The following ALKBH1 variants were observed in gnomAD, a reference collection of about 807,000 sequenced individuals.
The protein encoded by ALKBH1 is alkB homolog 1, histone H2A dioxygenase.
ALKBH1 carries 31 observed loss-of-function variants against 36.6 expected under a neutral mutation model. The observed-to-expected ratio is 0.85, with a 90% CI of 0.64 to 1.14. The LOEUF is 1.14. Among genes scored for constraint, ALKBH1 ranks in the 50% most tolerant of loss-of-function variants. The pLI, the probability that ALKBH1 is intolerant of heterozygous loss-of-function variation, is 0.00. For missense variants in ALKBH1, 490 were observed against 497.3 expected, an observed-to-expected ratio of 0.99 and a Z score of 0.14; for synonymous variants, 183 against 186.6, an observed-to-expected ratio of 0.98 and a Z score of 0.16.
At chr14:77,690,430 T>G (rs1405245258) in intron 3 of ALKBH1, among the ~76,000 whole-genome samples, 1 of 152,192 alleles carries the variant, frequency 6.6e-6, no homozygotes, top group African/African-American at 2.4e-5. Flanking sequence ...TTCTAAACCC[T>G]TGAAATTTCC....
intron 4 of ALKBH1, 65 bp from the exon 5 acceptor site, chr14:77,675,914 G>T: frequency 7.7e-7 from 1 of 1,291,030 alleles, no homozygotes; most frequent in Non-Finnish European, 1.1e-6. Context: ...GAAACTATAA[G>T]ATTAATTACC....
intron 3 of ALKBH1, among the ~76,000 whole-genome samples, chr14:77,686,067 A>G (rs1268988359): frequency 1.3e-5 from 2 of 152,202 alleles, no homozygotes; most frequent in African/African-American, 2.4e-5. Flanking sequence ...ACAACTCTTA[A>G]TATCTGCCTT....
chr14:77,695,258 A>G (rs965690714), intron 2 of ALKBH1, among the ~76,000 whole-genome samples: 1 of 152,234 alleles, frequency 6.6e-6, no homozygotes, highest in African/African-American at 2.4e-5. Flanking sequence ...AGGCATGATT[A>G]CACGAAATCT....
At chr14:77,678,823 T>A (rs765912661) in intron 4 of ALKBH1, among the ~76,000 whole-genome samples, 1 of 151,956 alleles carries the variant, frequency 6.6e-6, no homozygotes, top group African/African-American at 2.4e-5. Context: ...CAGGCAAATA[T>A]CTTTTTTTTT....
intron 2 of ALKBH1, 50 bp from the exon 3 acceptor site, chr14:77,694,950 A>C: frequency 7.2e-7 from 1 of 1,386,184 alleles, no homozygotes; most frequent in Non-Finnish European, 9.5e-7. Flanking sequence ...ATTCTCCATC[A>C]GTTATTCAAA....
chr14:77,690,655 G>GT (rs1424708500), intron 3 of ALKBH1, among the ~76,000 whole-genome samples: 11 of 152,260 alleles, frequency 7.2e-5, no homozygotes, highest in Non-Finnish European at 2.9e-5. Context: ...TGCATTTAAA[G>GT]TTTTTTTAAT....
chr14:77,686,385 CT>C (rs1245479202), intron 3 of ALKBH1, among the ~76,000 whole-genome samples: 3 of 152,150 alleles, frequency 2.0e-5, no homozygotes, highest in African/African-American at 4.8e-5. Context: ...ACGTTGGCAC[CT>C]AATACATCTT....
chr14:77,704,604 T>C (rs1406821503), intron 1 of ALKBH1, 127 bp from the exon 2 acceptor site: 2 of 695,192 alleles, frequency 2.9e-6, no homozygotes, highest in African/African-American at 3.5e-5. Flanking sequence ...ATACAGAACC[T>C]TGCTCTATTG....
chr14:77,675,998 C>CTTT (rs374529582), intron 4 of ALKBH1, 149 bp from the exon 5 acceptor site: 1,652 of 564,274 alleles, frequency 2.9e-3, no homozygotes, highest in Middle Eastern at 7.0e-3. Flanking sequence ...CTTTTCTTTT[C>CTTT]TTTTTTTTTT....
intron 3 of ALKBH1, among the ~76,000 whole-genome samples, chr14:77,687,320 G>C (rs1280325565): frequency 6.6e-6 from 1 of 152,094 alleles, no homozygotes; most frequent in Non-Finnish European, 1.5e-5. Context: ...CAGCCTCTGA[G>C]GCCTTTCTCC....
intron 3 of ALKBH1, among the ~76,000 whole-genome samples, chr14:77,689,125 CT>C (rs914320935): frequency 1.1e-4 from 16 of 152,222 alleles, no homozygotes; most frequent in Non-Finnish European, 1.5e-5. Flanking sequence ...GGCCGTGCCT[CT>C]GACTATACAA....
chr14:77,687,656 T>A (rs1353877014), intron 3 of ALKBH1, among the ~76,000 whole-genome samples: 1 of 152,188 alleles, frequency 6.6e-6, no homozygotes, highest in Non-Finnish European at 1.5e-5. Flanking sequence ...CCTAGACCTA[T>A]TTGACATGGC....
intron 1 of ALKBH1, among the ~76,000 whole-genome samples, chr14:77,705,875 C>T (rs1461085528): frequency 6.6e-6 from 1 of 151,710 alleles, no homozygotes; most frequent in Non-Finnish European, 1.5e-5. Flanking sequence ...GCCAACATGG[C>T]GAAACCCCGT....
intron 3 of ALKBH1, among the ~76,000 whole-genome samples, chr14:77,691,157 A>G (rs919959609): frequency 1.3e-5 from 2 of 152,058 alleles, no homozygotes; most frequent in African/African-American, 2.4e-5. Flanking sequence ...TTCACTTTGG[A>G]AAAAAAAGAA....
At chr14:77,688,716 C>T (rs751756047) in intron 3 of ALKBH1, among the ~76,000 whole-genome samples, 12 of 151,590 alleles carry the variant, frequency 7.9e-5, no homozygotes, top group Admixed American at 2.6e-4. Context: ...GGATTACAGG[C>T]GCCTGCCACC....
At chr14:77,689,432 A>C (rs2080286003) in intron 3 of ALKBH1, among the ~76,000 whole-genome samples, 1 of 152,246 alleles carries the variant, frequency 6.6e-6, no homozygotes, top group South Asian at 2.1e-4. Flanking sequence ...ATTATTTAAT[A>C]AATTAGTGAA....
At chr14:77,678,631 A>G (rs1435157511) in intron 4 of ALKBH1, among the ~76,000 whole-genome samples, 13 of 151,600 alleles carry the variant, frequency 8.6e-5, no homozygotes, top group Non-Finnish European at 1.8e-4. Context: ...TTTTATTCTT[A>G]TAATCAGTAT....
Position 77,697,166 on chromosome 14 carries a change from C to T in ALKBH1, c.293-2266G>A, listed in dbSNP as rs556455056. The T allele has an allele frequency of 1.3e-4, 24 of 179,750 alleles. No individual in the cohort carries two copies. The South Asian group carries it at 2.7e-3, about 20-fold the overall frequency. The allele number at this position is 179,750 out of a possible 1,614,324, so 11.1% of individuals were successfully genotyped here. On this transcript the variant is annotated intron_variant, in intron 2 of 5. Transcript: ENST00000216489. ...CCTGGTACTGTAACACCAATGGAGA[C>T]GTGGTGGAAGAGTTGAATTCTTACA... is the stretch of plus-strand genomic sequence containing the variant.
chr14:77,684,958 C>T (rs1468057888), intron 3 of ALKBH1, among the ~76,000 whole-genome samples: 1 of 152,180 alleles, frequency 6.6e-6, no homozygotes, highest in Non-Finnish European at 1.5e-5. Flanking sequence ...GTATTTTAGA[C>T]ATTTGATATG....
Sources: gnomAD v4.1 joint callset for allele counts (sites outside exome capture counted in the v4.1 genomes callset) on GRCh38, gnomAD v4.1.1 for gene constraint, MANE v1.5 for transcripts, NCBI Gene and HGNC (gene_info 2026-07-23, HGNC 2026-07-21) for gene names.